The following ABCC9 variants were observed in gnomAD, a reference collection of about 807,000 sequenced individuals.
ABCC9 encodes the protein ATP binding cassette subfamily C member 9.
Under a neutral mutation model 188.3 loss-of-function variants are expected in ABCC9, and 95 were observed. The observed-to-expected ratio is 0.50, with a 90% CI of 0.43 to 0.60. The LOEUF (loss-of-function observed/expected upper bound fraction) is 0.60. ABCC9 is among the 20% of genes least tolerant of loss of function. The pLI is 0.00. For synonymous variants in ABCC9, 659 were observed against 652.7 expected, an observed-to-expected ratio of 1.01 and a Z score of -0.15; for missense variants, 1,102 against 1,876.3, an observed-to-expected ratio of 0.59 and a Z score of 7.62.
chr12:21,928,231 CAAAGG>C (rs1949117344), intron 4 of ABCC9, among the ~76,000 whole-genome samples: 2 of 107,510 alleles, frequency 1.9e-5, no homozygotes, highest in Non-Finnish European at 3.6e-5. Context: ...AAAAAAGAAG[CAAAGG>C]AAAGGAAGGG....
intron 37 of ABCC9, among the ~76,000 whole-genome samples, chr12:21,809,275 T>G (rs1942067607): frequency 6.6e-6 from 1 of 152,132 alleles, no homozygotes; most frequent in Non-Finnish European, 1.5e-5. Context: ...GGACTGAATT[T>G]TTATCAGTGA....
chr12:21,914,393 A>G (rs1169824129), intron 7 of ABCC9, among the ~76,000 whole-genome samples: 3 of 152,160 alleles, frequency 2.0e-5, no homozygotes, highest in Non-Finnish European at 4.4e-5. Flanking sequence ...AACAATAATG[A>G]ATACTTAGGA....
intron 17 of ABCC9, among the ~76,000 whole-genome samples, chr12:21,874,420 T>C (rs147354018): frequency 1.4e-4 from 22 of 152,286 alleles, no homozygotes; most frequent in African/African-American, 4.8e-4. Flanking sequence ...TAATGTAGAA[T>C]TGTGCAGCCA....
At position 21,915,476 on chromosome 12, in the gene ABCC9, ATATGTGTGTGTG is replaced by A. The variant is rs1364393645; in HGVS notation, c.816+180_816+191del. Among the ~76,000 whole-genome samples, 2 of 8,142 alleles carry A rather than the reference ATATGTGTGTGTG, an allele frequency of 2.5e-4. 1 individual carries two copies. Among genetic ancestry groups the A allele is most frequent in the Non-Finnish European group, 4.9e-4 (2 of 4,078 alleles). 5.3% of individuals were successfully genotyped at this position (8,142 alleles called of 152,430 possible). On this transcript the variant is annotated intron_variant, in intron 7 of 39. Transcript: ENST00000261200. ...TATATGTGTGTATATGTGTGTGTAT[ATATGTGTGTGTG>A]TGTGTGTGTGTGTATATATATATAT... is the stretch of plus-strand genomic sequence containing the variant.
chr12:21,837,443 A>G (rs1944160380), intron 30 of ABCC9, among the ~76,000 whole-genome samples: 1 of 152,174 alleles, frequency 6.6e-6, no homozygotes, highest in South Asian at 2.1e-4. Context: ...TTATAACACT[A>G]AAATATCAAT....
At chr12:21,807,191 C>T (rs990335393) in intron 38 of ABCC9, among the ~76,000 whole-genome samples, 155 bp downstream of exon 38, 2 of 152,156 alleles carry the variant, frequency 1.3e-5, no homozygotes, top group Non-Finnish European at 2.9e-5. Flanking sequence ...TTGTAATTCT[C>T]AATGTGCTAT....
At chr12:21,817,915 A>C (rs1942753626) in intron 32 of ABCC9, among the ~76,000 whole-genome samples, 1 of 152,092 alleles carries the variant, frequency 6.6e-6, no homozygotes, top group Admixed American at 6.6e-5. Flanking sequence ...AAAAAAATGG[A>C]TACATACGCA....
chr12:21,882,825 T>G lies in ABCC9; in HGVS notation c.1960A>C (p.Ser654Arg). 1 of 1,614,118 alleles carries G rather than the reference T, an allele frequency of 6.2e-7. No individual in the cohort carries two copies. The highest frequency in any genetic ancestry group is 8.5e-7 in the Non-Finnish European group (1 of 1,179,972). Residue 654 changes from serine to arginine, a missense_variant, in exon 16 of 40, where the codon AGC becomes CGC. Coordinates refer to ENST00000261200, the MANE Select transcript of ABCC9 (RefSeq NM_020297.4). ...AGACGCCGTGTTGATTGCTCATAGC[T>G]GTCCAGGTGATATCTTCCAGGCTGT... is the stretch of plus-strand genomic sequence containing the variant. Reference protein sequence around the residue: ...RKQPGRYHLDSYEQSTRRLRP... With the variant: ...RKQPGRYHLDRYEQSTRRLRP...
In ABCC9 at chr12:21,933,816, C is replaced by T; in HGVS notation, c.250G>A (p.Val84Ile). 8.7e-6 allele frequency: 14 copies of T among 1,613,642 alleles called. No individual in the cohort carries two copies. The highest frequency in any genetic ancestry group is 1.2e-5 in the Non-Finnish European group (14 of 1,179,660). Residue 84 changes from valine (V) to isoleucine (I), a missense_variant, in exon 4 of 40, where the codon GTC (valine) becomes ATC (isoleucine). Around this residue, in one of 12 missense-constraint regions of ABCC9, gnomAD observed 305 missense variants for 573.0 expected, o/e 0.53. Coordinates refer to ENST00000261200, the MANE Select transcript of ABCC9 (RefSeq NM_020297.4). ...ACAATGCCTTCTGCTATTTCACAGA[C>T]ATGCACAAACAGGAGAGCGAATGTA... is the stretch of plus-strand genomic sequence containing the variant. The part of the protein sequence containing the change: ...ILTFALLFVH[V>I]CEIAEGIVSD...
intron 2 of ABCC9, among the ~76,000 whole-genome samples, chr12:21,939,607 T>C (rs556377786): frequency 8.5e-5 from 13 of 152,144 alleles, no homozygotes; most frequent in Non-Finnish European, 1.9e-4. Flanking sequence ...TGGAGCTGTT[T>C]AGATTCAGCT....
chr12:21,911,220 A>T (rs1238245764), intron 8 of ABCC9, among the ~76,000 whole-genome samples: 1 of 151,998 alleles, frequency 6.6e-6, no homozygotes, highest in Non-Finnish European at 1.5e-5. Flanking sequence ...ATTAGAATGC[A>T]TTTCCTGCAA....
chr12:21,871,812 G>GC (rs1688794295), intron 18 of ABCC9, among the ~76,000 whole-genome samples: 1 of 152,118 alleles, frequency 6.6e-6, no homozygotes, highest in South Asian at 2.1e-4. Flanking sequence ...TCCAGACATT[G>GC]CCAAATGTCC....
chr12:21,900,973 G>A (rs1466062410), intron 12 of ABCC9, among the ~76,000 whole-genome samples: 66 of 152,064 alleles, frequency 4.3e-4, no homozygotes, highest in South Asian at 2.1e-4. Flanking sequence ...GATAATCCTC[G>A]AGAAGAGCAA....
chr12:21,900,331 A>C (rs548515212), intron 12 of ABCC9, among the ~76,000 whole-genome samples: 1 of 152,306 alleles, frequency 6.6e-6, no homozygotes, highest in South Asian at 2.1e-4. Flanking sequence ...TCAAAGACCA[A>C]AGGTAGATAA....
At position 21,852,488 on chromosome 12, in the gene ABCC9, G is replaced by A. The variant is rs144537241; in HGVS notation, c.2523C>T (p.Ala841=). 7,686 of 1,611,438 alleles carry A rather than the reference G, an allele frequency of 4.8e-3. 30 individuals carry two copies. The highest frequency in any genetic ancestry group is 5.8e-3 in the Non-Finnish European group (6,853 of 1,179,910). ...AATGATCACTCAAGTGAATGTCCAG[G>A]GCTGAGAATGGATCATCCTGCAATC... ...NIVFLDDPFS[A]LDIHLSDHLM... The change falls in exon 23 of 40, where the codon GCC becomes GCT. Residue 841 remains alanine (A), a synonymous_variant. Transcript: ENST00000261200.
chr12:21,805,926 TA>T, intron 39 of ABCC9, 71 bp downstream of exon 39: 1 of 1,448,612 alleles, frequency 6.9e-7, no homozygotes, highest in Non-Finnish European at 9.7e-7. Context: ...TATATTTTGC[TA>T]AAACCTAAAG....
intron 31 of ABCC9, among the ~76,000 whole-genome samples, chr12:21,824,421 A>T (rs1365324381): frequency 1.3e-5 from 2 of 152,122 alleles, no homozygotes; most frequent in African/African-American, 4.8e-5. Context: ...TTTTGCAATG[A>T]TGTTCATCAG....
intron 31 of ABCC9, among the ~76,000 whole-genome samples, chr12:21,822,753 T>C (rs1157717423): frequency 7.1e-6 from 1 of 141,722 alleles, no homozygotes; most frequent in Admixed American, 7.4e-5. Flanking sequence ...ATCATGCCAC[T>C]GCACTCTAGC....
chr12:21,940,859 A>G (rs1396737001), intron 1 of ABCC9, 34 bp from the exon 2 acceptor site: 2 of 152,236 alleles, frequency 1.3e-5, no homozygotes, highest in African/African-American at 4.8e-5. Context: ...AAAATTAAGC[A>G]GATAGAAAAC....
Sources: gnomAD v4.1 joint callset for allele counts (sites outside exome capture counted in the v4.1 genomes callset) on GRCh38, gnomAD v4.1.1 for gene constraint, gnomAD v4.1.1 regional missense constraint, MANE v1.5 for transcripts, NCBI Gene and HGNC (gene_info 2026-07-23, HGNC 2026-07-21) for gene names.